Variants in EML5 observed in about 807,000 individuals in gnomAD.
EML5 encodes the protein echinoderm microtubule-associated protein-like 5.
A neutral mutation model predicts 250.0 loss-of-function variants in EML5; 120 were observed. That is an observed-to-expected ratio of 0.48 (90% CI 0.41 to 0.56). The LOEUF (loss-of-function observed/expected upper bound fraction) is 0.56, where lower values mean the gene tolerates loss of function less well. Among genes scored for constraint, EML5 ranks in the 20% least tolerant of loss-of-function variants. The pLI, the probability that EML5 is intolerant of heterozygous loss-of-function variation, is 0.00. For synonymous variants in EML5, 771 were observed against 806.5 expected, an observed-to-expected ratio of 0.96 and a Z score of 0.75; for missense variants, 2,006 against 2,437.6, an observed-to-expected ratio of 0.82 and a Z score of 3.73.
chr14:88,763,098 C>T (rs2094269706), intron 1 of EML5, among the ~76,000 whole-genome samples: 1 of 151,980 alleles, frequency 6.6e-6, no homozygotes, highest in South Asian at 2.1e-4. Context: ...AATTAAAACA[C>T]TTAGAGAAAC....
At chr14:88,616,572 TA>T in intron 42 of EML5, 153 bp downstream of exon 42, 1 of 773,740 alleles carries the variant, frequency 1.3e-6, no homozygotes, top group Non-Finnish European at 2.0e-6. Context: ...GATTTGTTTC[TA>T]ATAGCTTTTA....
intron 21 of EML5, among the ~76,000 whole-genome samples, chr14:88,667,993 C>A (rs2141012533): frequency 6.6e-6 from 1 of 152,336 alleles, no homozygotes; most frequent in South Asian, 2.1e-4. Context: ...CCACTGAGGG[C>A]TGCACCCTCT....
chr14:88,625,245 G>A lies in EML5; in HGVS notation c.4741-118C>T, dbSNP rs191051852. The A allele has an allele frequency of 2.4e-5, 29 of 1,191,396 alleles. No individual in the cohort carries two copies. In the Admixed American group the frequency reaches 4.5e-4, roughly 19 times the overall value. 73.8% of individuals were successfully genotyped at this position (1,191,396 alleles called of 1,614,324 possible). A position where few individuals can be genotyped will look rare whatever the true frequency, so the allele number is the denominator to read the frequency against. ...ACCCTTGATACAAAGAGCATGCATCGTGTAGTGGCAGCAGCACTGAATTCA... is the reference window on the plus strand; with the variant it reads ...ACCCTTGATACAAAGAGCATGCATCATGTAGTGGCAGCAGCACTGAATTCA... On this transcript the variant is annotated intron_variant, in intron 35 of 43. Coordinates refer to ENST00000554922, the MANE Select transcript of EML5 (RefSeq NM_183387.3).
intron 1 of EML5, among the ~76,000 whole-genome samples, chr14:88,759,795 A>G (rs1287240407): frequency 6.6e-6 from 1 of 152,060 alleles, no homozygotes; most frequent in East Asian, 1.9e-4. Flanking sequence ...TTAGAGAAAA[A>G]GGATAGGGTG....
In EML5 at chr14:88,792,186, TG is replaced by T. The variant is rs371306778; in HGVS notation, c.197+120del. The T allele has an allele frequency of 8.2e-5, 99 of 1,210,884 alleles. 1 individual carries two copies. In the East Asian group the frequency reaches 1.3e-3, roughly 15 times the overall value. 75.0% of individuals were successfully genotyped at this position (1,210,884 alleles called of 1,614,324 possible). A position where few individuals can be genotyped will look rare whatever the true frequency, so the allele number is the denominator to read the frequency against. ...GTGGACTCGGGACCAGAGAGACAGC[TG>T]CGGATTCCCCTCGGGGTGATGCTCC... On this transcript the variant is annotated intron_variant, in intron 1 of 43. Transcript: ENST00000554922. The surrounding 1 kb of genome is among the most constrained non-coding windows in gnomAD (Gnocchi z 6.9).
intron 33 of EML5, among the ~76,000 whole-genome samples, chr14:88,628,566 G>A (rs1228352584): frequency 6.6e-6 from 1 of 151,922 alleles, no homozygotes; most frequent in Non-Finnish European, 1.5e-5. Context: ...GGTCAATTCA[G>A]CAGTTAATTC....
At chr14:88,738,417 G>GA (rs538196237) in intron 6 of EML5, among the ~76,000 whole-genome samples, 34,630 of 135,152 alleles carry the variant, frequency 0.26, 4,145 homozygotes, top group East Asian at 0.38. Context: ...ATCCCCAAGA[G>GA]AAAAAAAAAA....
At chr14:88,771,233 C>G (rs1441081012) in intron 1 of EML5, among the ~76,000 whole-genome samples, 1 of 152,218 alleles carries the variant, frequency 6.6e-6, no homozygotes, top group Non-Finnish European at 1.5e-5. Flanking sequence ...CACATGAGCA[C>G]AGTTCCCCCC....
intron 10 of EML5, among the ~76,000 whole-genome samples, chr14:88,709,496 A>T (rs2093370374): frequency 6.6e-6 from 1 of 152,200 alleles, no homozygotes; most frequent in Non-Finnish European, 1.5e-5. Flanking sequence ...ATATTTTAAA[A>T]GATGGTTAAC....
chr14:88,618,222 A>G lies in EML5; in HGVS notation c.5642+6T>C. The stretch of plus-strand genomic sequence containing the variant: ...GTTCTTGCCTTGTGAATATATAAGT[A>G]TTTACCTAGTCCATGTAGCCCAAGT... On this transcript the variant is annotated splice_donor_region_variant and intron_variant, in intron 41 of 43. Transcript: ENST00000554922. 1 of 1,612,790 alleles carries G rather than the reference A, an allele frequency of 6.2e-7. No homozygotes were observed. The highest frequency in any genetic ancestry group is 8.5e-7 in the Non-Finnish European group (1 of 1,179,152).
chr14:88,667,281 C>G (rs1399902544), intron 21 of EML5, among the ~76,000 whole-genome samples: 1 of 152,152 alleles, frequency 6.6e-6, no homozygotes, highest in African/African-American at 2.4e-5. Flanking sequence ...TGACTTTTCT[C>G]TCCTTTTTCT....
At chr14:88,616,084 A>G in intron 43 of EML5, 58 bp downstream of exon 43, 1 of 1,561,658 alleles carries the variant, frequency 6.4e-7, no homozygotes, top group South Asian at 1.1e-5. Context: ...GAGTTGTTGT[A>G]TTAAGTCTCT....
intron 1 of EML5, among the ~76,000 whole-genome samples, chr14:88,770,019 T>C (rs2094371809): frequency 6.6e-6 from 1 of 151,672 alleles, no homozygotes; most frequent in East Asian, 1.9e-4. Flanking sequence ...GTTAAGACAC[T>C]GTTTTTCAGT....
At chr14:88,701,200 A>G (rs1183132845) in intron 14 of EML5, among the ~76,000 whole-genome samples, 1 of 152,124 alleles carries the variant, frequency 6.6e-6, no homozygotes, top group Non-Finnish European at 1.5e-5. Flanking sequence ...GTCTGGAGAC[A>G]TTTTAGGTTG....
chr14:88,773,791 A>G (rs940249126), intron 1 of EML5, among the ~76,000 whole-genome samples: 1 of 147,630 alleles, frequency 6.8e-6, no homozygotes, highest in Non-Finnish European at 1.5e-5. Flanking sequence ...CTCAAACTTT[A>G]GATTATATTA....
At chr14:88,663,557 T>C (rs2092201862) in intron 23 of EML5, among the ~76,000 whole-genome samples, 1 of 152,202 alleles carries the variant, frequency 6.6e-6, no homozygotes, top group African/African-American at 2.4e-5. Context: ...CTCAGTCATA[T>C]GCCATGCATT....
Position 88,616,162 on chromosome 14 carries a change from A to G in EML5, c.5877T>C (p.Ser1959=), listed in dbSNP as rs2087578948. 6.2e-7 allele frequency: 1 copy of G among 1,613,930 alleles called. No homozygotes were observed. Among genetic ancestry groups the G allele is most frequent in the East Asian group, 2.2e-5 (1 of 44,876 alleles). The change falls in exon 43 of 44, where the codon AGT becomes AGC. Residue 1959 remains serine (S), a synonymous_variant. Transcript: ENST00000554922. ...CTAACCTGCAGTCATCACCTCCAGC[A>G]CTAACAACATGTCGATCACCACTGG... is the stretch of plus-strand genomic sequence containing the variant. The part of the protein sequence containing the change: ...RFTSGDRHVV[S]AGGDDCSLFV...
At chr14:88,724,354 A>G (rs1421173142) in intron 8 of EML5, among the ~76,000 whole-genome samples, 1 of 152,058 alleles carries the variant, frequency 6.6e-6, no homozygotes, top group Non-Finnish European at 1.5e-5. Flanking sequence ...ATCAAGAAGA[A>G]ATAGTAACCA....
intron 27 of EML5, among the ~76,000 whole-genome samples, chr14:88,654,729 TGTG>T (rs1182731000): frequency 1.3e-5 from 2 of 152,200 alleles, no homozygotes; most frequent in Non-Finnish European, 2.9e-5. Context: ...ATAAATGTGA[TGTG>T]GTGCTGAGAA....
Sources: allele counts gnomAD v4.1 joint callset (sites outside exome capture counted in the v4.1 genomes callset), GRCh38; gene constraint gnomAD v4.1.1; non-coding constraint Gnocchi (gnomAD v3.1); transcripts MANE v1.5; gene names NCBI Gene and HGNC (gene_info 2026-07-23, HGNC 2026-07-21).